The following AGTPBP1 variants were observed in gnomAD, a reference collection of about 807,000 sequenced individuals.
The protein encoded by AGTPBP1 is cytosolic carboxypeptidase 1.
Under a neutral mutation model 143.9 loss-of-function variants are expected in AGTPBP1, and 70 were observed. The observed-to-expected ratio is 0.49, with a 90% CI of 0.40 to 0.59. The LOEUF (loss-of-function observed/expected upper bound fraction) is 0.59, where lower values mean the gene tolerates loss of function less well. AGTPBP1 is among the 20% of genes least tolerant of loss of function. AGTPBP1 has a pLI of 0.00. For missense variants in AGTPBP1, 1,229 were observed against 1,464.5 expected (o/e 0.84, Z 2.62); for synonymous variants, 463 against 500.2 (o/e 0.93, Z 0.99).
At chr9:85,703,135 A>G (rs1836777149) in intron 2 of AGTPBP1, among the ~76,000 whole-genome samples, 1 of 152,174 alleles carries the variant, frequency 6.6e-6, no homozygotes, top group South Asian at 2.1e-4. Flanking sequence ...CAGCCTTTAC[A>G]TGTATTGCTG....
chr9:85,621,055 C>T (rs1830902931), intron 15 of AGTPBP1, 147 bp downstream of exon 15: 2 of 373,330 alleles, frequency 5.4e-6, no homozygotes, highest in Non-Finnish European at 9.0e-6. Context: ...CTAATTAAGT[C>T]ACAACTAGTT....
chr9:85,693,860 T>C (rs768928622), intron 2 of AGTPBP1, among the ~76,000 whole-genome samples: 1 of 151,956 alleles, frequency 6.6e-6, no homozygotes, highest in South Asian at 2.1e-4. Flanking sequence ...GAAGGTACCA[T>C]TTAAGAACAG....
At chr9:85,678,586 T>G (rs1217483737) in intron 4 of AGTPBP1, among the ~76,000 whole-genome samples, 188 bp from the exon 5 acceptor site, 3 of 152,212 alleles carry the variant, frequency 2.0e-5, no homozygotes, top group Non-Finnish European at 4.4e-5. Flanking sequence ...ACAAATCATT[T>G]TGAGTTATTA....
the AGTPBP1 span, among the ~76,000 whole-genome samples, chr9:85,772,502 C>G: frequency 2.0e-5 from 3 of 152,168 alleles, no homozygotes; most frequent in African/African-American, 7.2e-5. Flanking sequence ...AATCCCAGTG[C>G]TTTAGGACCC....
chr9:85,778,845 A>C, the AGTPBP1 span, among the ~76,000 whole-genome samples: 2 of 152,178 alleles, frequency 1.3e-5, no homozygotes, highest in Non-Finnish European at 2.9e-5. Context: ...AACCAGCTTC[A>C]TTATGTTCCT....
chr9:85,761,712 G>T, the AGTPBP1 span, among the ~76,000 whole-genome samples: 2 of 152,138 alleles, frequency 1.3e-5, no homozygotes, highest in East Asian at 3.9e-4. Flanking sequence ...ACATAGGCAT[G>T]GGCAAGGACT....
intron 13 of AGTPBP1, 125 bp downstream of exon 13, chr9:85,642,702 A>C: frequency 1.3e-6 from 1 of 780,372 alleles, no homozygotes. Context: ...TGCCACTCAG[A>C]AAAGCAATGC....
chr9:85,691,469 A>G (rs192159583), intron 3 of AGTPBP1, among the ~76,000 whole-genome samples: 207 of 152,088 alleles, frequency 1.4e-3, no homozygotes, highest in Admixed American at 2.2e-3. Flanking sequence ...TCTAACAGAA[A>G]TACCTTTTAT....
intron 1 of AGTPBP1, among the ~76,000 whole-genome samples, chr9:85,732,731 G>C (rs1011450393): frequency 6.6e-6 from 1 of 152,026 alleles, no homozygotes; most frequent in African/African-American, 2.4e-5. Flanking sequence ...GTTGTCTGCA[G>C]GAGACTTACT....
chr9:85,603,216 T>A (rs959227863), intron 17 of AGTPBP1, among the ~76,000 whole-genome samples: 1 of 152,078 alleles, frequency 6.6e-6, no homozygotes, highest in African/African-American at 2.4e-5. Flanking sequence ...CCTCCCCCAA[T>A]CCCAGGAAGC....
the AGTPBP1 span, among the ~76,000 whole-genome samples, chr9:85,751,785 T>G: frequency 6.6e-6 from 1 of 151,976 alleles, no homozygotes; most frequent in Non-Finnish European, 1.5e-5. Context: ...TTTTGTATTT[T>G]TAGTAGAGAC....
intron 6 of AGTPBP1, among the ~76,000 whole-genome samples, 169 bp downstream of exon 6, chr9:85,677,266 AC>A (rs1419072504): frequency 6.6e-6 from 1 of 152,232 alleles, no homozygotes; most frequent in East Asian, 1.9e-4. Flanking sequence ...CATTACACAT[AC>A]ATTTTTATCA....
intron 3 of AGTPBP1, among the ~76,000 whole-genome samples, chr9:85,691,609 A>C (rs774195633): frequency 1.3e-5 from 2 of 149,142 alleles, no homozygotes; most frequent in African/African-American, 2.5e-5. Flanking sequence ...AGTCCTTTTT[A>C]CTATCTATTA....
chr9:85,802,848 T>C, the AGTPBP1 span, among the ~76,000 whole-genome samples: 9 of 152,094 alleles, frequency 5.9e-5, no homozygotes, highest in Admixed American at 1.3e-4. Context: ...AAGGAAAATG[T>C]ATGAAAGAGG....
rs930344421 is a variant in AGTPBP1, at chr9:85,692,904, CTT to C, written c.33-93_33-92del. The stretch of plus-strand genomic sequence containing the variant: ...TCACTGTTTAAAAAACAATTCTACT[CTT>C]TTAAAAACAGAAAGCATTTACACGT... On this transcript the variant is annotated intron_variant, in intron 2 of 25. Transcript: ENST00000357081. The C allele has an allele frequency of 3.2e-4, 457 of 1,420,718 alleles. 2 individuals are homozygous for C. The highest frequency in any genetic ancestry group is 5.7e-4 in the South Asian group (44 of 77,412). The allele number at this position is 1,420,718 out of a possible 1,614,324, so 88.0% of individuals were successfully genotyped here. A position where few individuals can be genotyped will look rare whatever the true frequency, so the allele number is the denominator to read the frequency against.
the AGTPBP1 span, among the ~76,000 whole-genome samples, chr9:85,759,453 C>T: frequency 6.6e-6 from 1 of 151,990 alleles, no homozygotes; most frequent in Admixed American, 6.6e-5. Flanking sequence ...AACTAGAACT[C>T]AGGATTAAGA....
chr9:85,711,168 T>C (rs2134470575), intron 2 of AGTPBP1, among the ~76,000 whole-genome samples: 1 of 152,312 alleles, frequency 6.6e-6, no homozygotes, highest in South Asian at 2.1e-4. Context: ...CACTGTCAAT[T>C]ACCAAGCCAA....
At chr9:85,769,691 C>G in the AGTPBP1 span, among the ~76,000 whole-genome samples, 4 of 151,766 alleles carry the variant, frequency 2.6e-5, no homozygotes, top group African/African-American at 9.7e-5. Flanking sequence ...TACTTAAATC[C>G]TCACTACTTT....
chr9:85,758,380 C>G, the AGTPBP1 span, among the ~76,000 whole-genome samples: 1 of 152,136 alleles, frequency 6.6e-6, no homozygotes, highest in Non-Finnish European at 1.5e-5. Flanking sequence ...CGCGGTGGCT[C>G]ACACCTGTAA....
Sources: gnomAD v4.1 joint callset for allele counts (sites outside exome capture counted in the v4.1 genomes callset) on GRCh38, gnomAD v4.1.1 for gene constraint, MANE v1.5 for transcripts, NCBI Gene and HGNC (gene_info 2026-07-23, HGNC 2026-07-21) for gene names.